Variants in RIMS2 observed in about 807,000 individuals in gnomAD.
RIMS2 encodes the protein regulating synaptic membrane exocytosis protein 2.
In RIMS2, 59 loss-of-function variants were observed where a neutral mutation model predicts 174.4. That is an observed-to-expected ratio of 0.34 (90% CI 0.27 to 0.42). RIMS2 has a LOEUF of 0.42. RIMS2 is among the 10% of genes least tolerant of loss of function. The pLI is 1.00. For missense variants in RIMS2, 1,620 were observed against 1,666.3 expected (o/e 0.97, Z 0.48); for synonymous variants, 606 against 572.5 (o/e 1.06, Z -0.84).
chr8:103,998,254 T>C, intron 17 of RIMS2: 1 of 1,600,428 alleles, frequency 6.2e-7, no homozygotes, highest in Non-Finnish European at 8.6e-7. Context: ...ATGGCAGGTA[T>C]ATTTTTCTTA....
intron 19 of RIMS2, among the ~76,000 whole-genome samples, chr8:104,179,902 T>C (rs2098930093): frequency 1.3e-5 from 2 of 151,890 alleles, no homozygotes; most frequent in South Asian, 4.1e-4. Context: ...TAACCCCTGT[T>C]AACATTTTGC....
At chr8:103,611,753 T>C (rs4413741) in intron 1 of RIMS2, among the ~76,000 whole-genome samples, 7,712 of 152,134 alleles carry the variant, frequency 0.051, 274 homozygotes, top group Middle Eastern at 0.078. Context: ...CTTGACATCG[T>C]CTTCTTTGGG....
At chr8:103,828,472 T>G (rs955535884) in intron 3 of RIMS2, among the ~76,000 whole-genome samples, 1 of 152,190 alleles carries the variant, frequency 6.6e-6, no homozygotes, top group Non-Finnish European at 1.5e-5. Context: ...CCTTATAGAT[T>G]CTGGATATTA....
intron 2 of RIMS2, among the ~76,000 whole-genome samples, chr8:103,753,139 C>T (rs1296256965): frequency 1.3e-5 from 2 of 151,156 alleles, no homozygotes; most frequent in East Asian, 1.9e-4. Flanking sequence ...GAGTTTTTAG[C>T]ATGAAGGGTA....
At chr8:103,749,345 C>G (rs544164197) in intron 2 of RIMS2, among the ~76,000 whole-genome samples, 1 of 152,052 alleles carries the variant, frequency 6.6e-6, no homozygotes, top group South Asian at 2.1e-4. Flanking sequence ...ATCTCCTGAC[C>G]TCGTGATCCG....
intron 1 of RIMS2, among the ~76,000 whole-genome samples, chr8:103,676,674 G>A (rs2096818319): frequency 6.6e-6 from 1 of 151,784 alleles, no homozygotes. Context: ...CTTAATTCAG[G>A]AGCCCTCATT....
intron 1 of RIMS2, among the ~76,000 whole-genome samples, chr8:103,682,977 T>C (rs116943041): frequency 0.054 from 8,197 of 152,262 alleles, 314 homozygotes; most frequent in Non-Finnish European, 0.078. Context: ...CTAGCTCTGC[T>C]ACTAATTTAA....
At chr8:103,768,362 T>G in intron 3 of RIMS2, 1 of 723,462 alleles carries the variant, frequency 1.4e-6, no homozygotes, top group East Asian at 2.6e-5. Flanking sequence ...CTGCACTTTT[T>G]ATGAGAAGCA....
chr8:103,636,349 A>C (rs529585585), intron 1 of RIMS2, among the ~76,000 whole-genome samples: 2 of 152,158 alleles, frequency 1.3e-5, no homozygotes, highest in Non-Finnish European at 2.9e-5. Context: ...GTAAGTATCT[A>C]TCACTCTGGG....
intron 3 of RIMS2, among the ~76,000 whole-genome samples, chr8:103,803,202 A>G (rs746424935): frequency 9.9e-5 from 15 of 152,092 alleles, no homozygotes; most frequent in Non-Finnish European, 2.1e-4. Flanking sequence ...TTATAGTTCA[A>G]ATTTTTATGC....
intron 19 of RIMS2, among the ~76,000 whole-genome samples, chr8:104,099,982 T>A (rs1376992015): frequency 6.6e-6 from 1 of 151,908 alleles, no homozygotes; most frequent in Admixed American, 6.6e-5. Flanking sequence ...CACACCCAGC[T>A]AATTTTTTAA....
chr8:104,225,211 A>G (rs1419026549), intron 19 of RIMS2, among the ~76,000 whole-genome samples: 1 of 152,148 alleles, frequency 6.6e-6, no homozygotes, highest in African/African-American at 2.4e-5. Flanking sequence ...TGTTATCCTC[A>G]TTTCACAAAT....
At chr8:103,638,805 A>G (rs2135462422) in intron 1 of RIMS2, among the ~76,000 whole-genome samples, 1 of 152,162 alleles carries the variant, frequency 6.6e-6, no homozygotes, top group Non-Finnish European at 1.5e-5. Flanking sequence ...TTGGGATGTC[A>G]CTGTTTCTAG....
chr8:103,502,085 G>T (rs1461300977), intron 1 of RIMS2, among the ~76,000 whole-genome samples: 8 of 152,152 alleles, frequency 5.3e-5, no homozygotes, highest in Admixed American at 5.2e-4. Context: ...TGTTTTTCCA[G>T]CTTGGCTTTT....
intron 19 of RIMS2, among the ~76,000 whole-genome samples, chr8:104,114,923 ACT>A (rs1377706740): frequency 1.3e-5 from 2 of 152,052 alleles, no homozygotes; most frequent in African/African-American, 4.8e-5. Context: ...CAAATATTTA[ACT>A]CTAATAAATA....
chr8:103,978,751 GA>G (rs2093655944), intron 16 of RIMS2, among the ~76,000 whole-genome samples: 1 of 152,296 alleles, frequency 6.6e-6, no homozygotes, highest in South Asian at 2.1e-4. Flanking sequence ...TGTAGTTGGA[GA>G]TTTTAACATA....
intron 15 of RIMS2, among the ~76,000 whole-genome samples, chr8:103,971,260 T>G (rs2092838114): frequency 6.6e-6 from 1 of 152,198 alleles, no homozygotes; most frequent in Non-Finnish European, 1.5e-5. Flanking sequence ...TGGACAGATG[T>G]TTGTTTATTT....
intron 3 of RIMS2, among the ~76,000 whole-genome samples, chr8:103,825,991 A>C (rs1350191920): frequency 1.3e-5 from 2 of 151,962 alleles, no homozygotes; most frequent in African/African-American, 4.8e-5. Flanking sequence ...TCCTCTTATG[A>C]TAATTTTATT....
At chr8:103,809,268 T>C (rs147392734) in intron 3 of RIMS2, among the ~76,000 whole-genome samples, 153 of 152,224 alleles carry the variant, frequency 1.0e-3, no homozygotes, top group Admixed American at 2.0e-3. Flanking sequence ...GAATCTATTT[T>C]TTTTTTTTTA....
Sources: gnomAD v4.1 joint callset for allele counts (sites outside exome capture counted in the v4.1 genomes callset) on GRCh38, gnomAD v4.1.1 for gene constraint, MANE v1.5 for transcripts, NCBI Gene and HGNC (gene_info 2026-07-23, HGNC 2026-07-21) for gene names.